Variants in MTSS1 observed in about 807,000 individuals in gnomAD.
The protein encoded by MTSS1 is MTSS I-BAR domain containing 1, also known as protein MTSS 1.
In MTSS1, 18 loss-of-function variants were observed where a neutral mutation model predicts 79.0. That is an observed-to-expected ratio of 0.23 (90% CI 0.16 to 0.34). The LOEUF (loss-of-function observed/expected upper bound fraction) is 0.34, where lower values mean the gene tolerates loss of function less well. MTSS1 is among the 10% of genes least tolerant of loss of function. The pLI is 1.00. For missense variants in MTSS1, 815 were observed against 986.2 expected, an observed-to-expected ratio of 0.83 and a Z score of 2.33; for synonymous variants, 341 against 368.6, an observed-to-expected ratio of 0.93 and a Z score of 0.86.
intron 11 of MTSS1, 30 bp from the exon 12 acceptor site, chr8:124,556,435 G>A (rs1823812037): frequency 6.3e-7 from 1 of 1,579,572 alleles, no homozygotes; most frequent in African/African-American, 1.3e-5. Flanking sequence ...TCAGGAGCCA[G>A]GGCCTCTGCC....
At chr8:124,594,027 T>C (rs1208106913) in intron 3 of MTSS1, among the ~76,000 whole-genome samples, 1 of 152,218 alleles carries the variant, frequency 6.6e-6, no homozygotes, top group Non-Finnish European at 1.5e-5. Flanking sequence ...GCTAAGCTAC[T>C]ATAGGGAGTT....
At chr8:124,600,420 G>T (rs1383181632) in intron 3 of MTSS1, among the ~76,000 whole-genome samples, 3 of 152,236 alleles carry the variant, frequency 2.0e-5, no homozygotes, top group Non-Finnish European at 4.4e-5. Flanking sequence ...AGCGCACACA[G>T]CGGATGCTGG....
intron 3 of MTSS1, among the ~76,000 whole-genome samples, chr8:124,676,171 T>C (rs1825254091): frequency 6.6e-6 from 1 of 152,208 alleles, no homozygotes; most frequent in Admixed American, 6.5e-5. Context: ...AAGGTATTGA[T>C]TAATAATTTG....
intron 5 of MTSS1, among the ~76,000 whole-genome samples, chr8:124,588,562 A>T (rs6991104): frequency 0.017 from 2,643 of 152,292 alleles, 92 homozygotes; most frequent in African/African-American, 0.061. Flanking sequence ...CCAGTTCACA[A>T]AGACTTGTCT....
intron 3 of MTSS1, among the ~76,000 whole-genome samples, chr8:124,611,325 G>C (rs1835776901): frequency 6.6e-6 from 1 of 152,218 alleles, no homozygotes; most frequent in Non-Finnish European, 1.5e-5. Flanking sequence ...CACAAAAGTG[G>C]ATACAAGCCC....
chr8:124,700,074 G>A (rs530935526), intron 2 of MTSS1, among the ~76,000 whole-genome samples: 1 of 152,180 alleles, frequency 6.6e-6, no homozygotes, highest in Non-Finnish European at 1.5e-5. Context: ...AGGAGGCAGA[G>A]GTTGCGGTGA....
At chr8:124,677,576 T>A (rs914372297) in intron 3 of MTSS1, among the ~76,000 whole-genome samples, 1 of 152,344 alleles carries the variant, frequency 6.6e-6, no homozygotes, top group African/African-American at 2.4e-5. Flanking sequence ...TAGTCATTCT[T>A]AGCTCATGGG....
chr8:124,720,253 T>C (rs1025531545), intron 1 of MTSS1, among the ~76,000 whole-genome samples: 5 of 152,144 alleles, frequency 3.3e-5, no homozygotes, highest in Non-Finnish European at 7.4e-5. Flanking sequence ...ACTGGACACA[T>C]AGCGGGCCAC....
intron 3 of MTSS1, among the ~76,000 whole-genome samples, chr8:124,660,431 T>TACACAC (rs1821798286): frequency 1.4e-5 from 1 of 71,614 alleles, no homozygotes; most frequent in Admixed American, 1.9e-4. Flanking sequence ...CCCATGCGCA[T>TACACAC]GCACACACAC....
At chr8:124,672,491 C>T (rs1472586673) in intron 3 of MTSS1, among the ~76,000 whole-genome samples, 3 of 147,690 alleles carry the variant, frequency 2.0e-5, no homozygotes, top group African/African-American at 7.7e-5. Context: ...AAGACTCTGC[C>T]TCAAAAAAAA....
At chr8:124,684,176 T>G (rs1036298241) in intron 3 of MTSS1, among the ~76,000 whole-genome samples, 5 of 152,214 alleles carry the variant, frequency 3.3e-5, no homozygotes, top group Admixed American at 3.3e-4. Flanking sequence ...TTTTAGTGTC[T>G]GATACCACGG....
chr8:124,565,852 C>T (rs1385482229), intron 8 of MTSS1, 93 bp from the exon 9 acceptor site: 10 of 1,058,200 alleles, frequency 9.5e-6, no homozygotes, highest in Non-Finnish European at 1.1e-5. Context: ...CAAAACGCTG[C>T]CATCGTGGGG....
At chr8:124,611,458 C>T (rs1444548609) in intron 3 of MTSS1, among the ~76,000 whole-genome samples, 2 of 152,286 alleles carry the variant, frequency 1.3e-5, no homozygotes, top group Middle Eastern at 3.4e-3. Flanking sequence ...AGCTGGCATC[C>T]CCCCATTACA....
chr8:124,647,706 C>T (rs903922639), intron 3 of MTSS1, among the ~76,000 whole-genome samples: 3 of 152,340 alleles, frequency 2.0e-5, no homozygotes, highest in African/African-American at 7.2e-5. Flanking sequence ...TCAATTGTTA[C>T]AGCTCGTCAG....
intron 3 of MTSS1, among the ~76,000 whole-genome samples, chr8:124,691,812 G>A (rs1044374905): frequency 2.6e-5 from 4 of 152,070 alleles, no homozygotes; most frequent in Non-Finnish European, 5.9e-5. Flanking sequence ...CACCGCATCC[G>A]GCTGATATAC....
At chr8:124,634,584 A>G (rs2133874791) in intron 3 of MTSS1, among the ~76,000 whole-genome samples, 1 of 151,982 alleles carries the variant, frequency 6.6e-6, no homozygotes, top group Middle Eastern at 3.4e-3. Flanking sequence ...CCAAGGATAC[A>G]CTCCTCACCC....
chr8:124,704,228 G>C, intron 1 of MTSS1, 37 bp from the exon 2 acceptor site: 1 of 1,556,264 alleles, frequency 6.4e-7, no homozygotes, highest in Non-Finnish European at 8.9e-7. Context: ...GTCACACTGC[G>C]ATAGACATCT....
intron 6 of MTSS1, among the ~76,000 whole-genome samples, chr8:124,570,927 C>T (rs546938037): frequency 6.6e-6 from 1 of 152,286 alleles, no homozygotes; most frequent in East Asian, 1.9e-4. Context: ...CCCACCTCAG[C>T]CTCCCAAAGT....
intron 3 of MTSS1, among the ~76,000 whole-genome samples, chr8:124,685,149 C>G (rs1826750669): frequency 7.4e-6 from 1 of 135,766 alleles, no homozygotes; most frequent in Admixed American, 7.6e-5. Flanking sequence ...ATGTAACCAT[C>G]ACCACCTCCA....
Sources: allele counts gnomAD v4.1 joint callset (sites outside exome capture counted in the v4.1 genomes callset), GRCh38; gene constraint gnomAD v4.1.1; transcripts MANE v1.5; gene names NCBI Gene and HGNC (gene_info 2026-07-23, HGNC 2026-07-21).